MICU2: variants seen among roughly 807,000 people sequenced by gnomAD.
The protein encoded by MICU2 is calcium uptake protein 2, mitochondrial.
Under a neutral mutation model 60.4 loss-of-function variants are expected in MICU2, and 64 were observed. The ratio of observed to expected loss-of-function variants is 1.06; its 90% CI spans 0.87 to 1.31. MICU2 has a LOEUF of 1.31. MICU2 is among the 50% of genes most tolerant of loss of function. The pLI, the probability that MICU2 is intolerant of heterozygous loss-of-function variation, is 0.00. For synonymous variants in MICU2, 201 were observed against 175.0 expected, an observed-to-expected ratio of 1.15 and a Z score of -1.17; for missense variants, 569 against 531.0, an observed-to-expected ratio of 1.07 and a Z score of -0.70.
At chr13:21,542,621 T>C (rs1411741458) in intron 2 of MICU2, among the ~76,000 whole-genome samples, 1 of 152,206 alleles carries the variant, frequency 6.6e-6, no homozygotes, top group East Asian at 1.9e-4. Context: ...TTTCATTGTA[T>C]GAATATGAAA....
At chr13:21,497,110 C>T (rs1017427544) in intron 9 of MICU2, among the ~76,000 whole-genome samples, 15 of 149,846 alleles carry the variant, frequency 1.0e-4, no homozygotes, top group Admixed American at 7.3e-4. Flanking sequence ...TGCTGTGGCT[C>T]ATGTCTAATC....
At chr13:21,585,633 T>C (rs186573837) in intron 1 of MICU2, among the ~76,000 whole-genome samples, 45 of 152,350 alleles carry the variant, frequency 3.0e-4, no homozygotes, top group African/African-American at 9.9e-4. Flanking sequence ...AGGGCTCTTA[T>C]AGCAAATTCA....
intron 1 of MICU2, among the ~76,000 whole-genome samples, chr13:21,600,056 A>C (rs1888780954): frequency 6.6e-6 from 1 of 152,208 alleles, no homozygotes; most frequent in African/African-American, 2.4e-5. Context: ...CAATGAAAAC[A>C]AAAATGTAAT....
At chr13:21,498,369 C>CTTTTTTTTTTTT (rs34890922) in intron 9 of MICU2, among the ~76,000 whole-genome samples, 1 of 78,544 alleles carries the variant, frequency 1.3e-5, no homozygotes, top group Non-Finnish European at 2.2e-5. Context: ...ATATCCTATT[C>CTTTTTTTTTTTT]TTTTTTTTTT....
chr13:21,593,316 G>T (rs1173598313), intron 1 of MICU2, among the ~76,000 whole-genome samples: 2 of 151,818 alleles, frequency 1.3e-5, no homozygotes, highest in African/African-American at 4.8e-5. Flanking sequence ...GGGATGTGAA[G>T]GACCTCTTCA....
At chr13:21,528,899 G>A (rs552009228) in intron 4 of MICU2, among the ~76,000 whole-genome samples, 1 of 152,166 alleles carries the variant, frequency 6.6e-6, no homozygotes, top group Admixed American at 6.5e-5. Flanking sequence ...GGAGAAGGTG[G>A]TGAGTCAGAG....
chr13:21,603,447 C>CATCAT, intron 1 of MICU2: 1 of 156,564 alleles, frequency 6.4e-6, no homozygotes, highest in Admixed American at 6.5e-5. Flanking sequence ...AAAAAGCAAT[C>CATCAT]GACAGAACTT....
chr13:21,602,260 C>T (rs538757320), intron 1 of MICU2, among the ~76,000 whole-genome samples: 3 of 152,116 alleles, frequency 2.0e-5, no homozygotes, highest in Admixed American at 6.5e-5. Context: ...CAGTGGCTCA[C>T]GCCTGTAATT....
intron 6 of MICU2, among the ~76,000 whole-genome samples, chr13:21,517,167 ATAAAACAT>A (rs1886590611): frequency 2.0e-5 from 3 of 152,256 alleles, no homozygotes; most frequent in Admixed American, 2.0e-4. Context: ...CTGAATGTTA[ATAAAACAT>A]GAATATTTAC....
intron 6 of MICU2, among the ~76,000 whole-genome samples, chr13:21,515,182 C>T (rs544669905): frequency 2.1e-4 from 31 of 151,112 alleles, no homozygotes; most frequent in Middle Eastern, 3.4e-3. Flanking sequence ...CCCGGGTTCA[C>T]GCCATTCTCC....
At chr13:21,569,089 GCTTT>G (rs1289240321) in intron 1 of MICU2, among the ~76,000 whole-genome samples, 1 of 152,076 alleles carries the variant, frequency 6.6e-6, no homozygotes, top group Non-Finnish European at 1.5e-5. Context: ...ACTAAGGCTC[GCTTT>G]CTTTCAGAGG....
chr13:21,538,798 C>A (rs571262213), intron 4 of MICU2, among the ~76,000 whole-genome samples: 1 of 151,986 alleles, frequency 6.6e-6, no homozygotes, highest in Admixed American at 6.6e-5. Context: ...GGAATCAATA[C>A]CCCATAGATA....
At chr13:21,525,146 A>G (rs1342738327) in intron 4 of MICU2, among the ~76,000 whole-genome samples, 2 of 150,304 alleles carry the variant, frequency 1.3e-5, no homozygotes, top group African/African-American at 4.9e-5. Flanking sequence ...CCAGAAGCAG[A>G]ACTGCTGCAT....
At position 21,510,063 on chromosome 13, in the gene MICU2, A is replaced by G. The variant is rs1304976866; in HGVS notation, c.702T>C (p.Leu234=). Residue 234 remains leucine (L), a synonymous_variant, in exon 8 of 12, where the codon CTT becomes CTC. Coordinates refer to ENST00000382374, the MANE Select transcript of MICU2 (RefSeq NM_152726.3). Reference sequence around the variant, plus strand: ...CTCTTTTTCCAAAGAAACGCATCTGAAGAGTTGTGTTAATTTCAGGTTCTT... The same window carrying G: ...CTCTTTTTCCAAAGAAACGCATCTGGAGAGTTGTGTTAATTTCAGGTTCTT... ...IVKEPEINTT[L]QMRFFGKRGQ... is the part of the protein sequence containing the mutation. 3 of 1,530,864 alleles carry G rather than the reference A, an allele frequency of 2.0e-6. No homozygotes were observed. Among genetic ancestry groups the G allele is most frequent in the Admixed American group, 2.1e-5 (1 of 46,950 alleles). The allele number at this position is 1,530,864 out of a possible 1,614,324, so 94.8% of individuals were successfully genotyped here.
intron 8 of MICU2, among the ~76,000 whole-genome samples, chr13:21,503,865 T>C (rs1023931464): frequency 6.6e-6 from 1 of 152,238 alleles, no homozygotes. Flanking sequence ...CTTTTCCACA[T>C]GTGAAAAGAT....
At chr13:21,511,967 GT>G (rs1359120089) in intron 7 of MICU2, among the ~76,000 whole-genome samples, 3 of 152,128 alleles carry the variant, frequency 2.0e-5, no homozygotes, top group Non-Finnish European at 4.4e-5. Flanking sequence ...ATTGTTTCCC[GT>G]TTGGGCTGGA....
chr13:21,526,296 T>G (rs1440537492), intron 4 of MICU2, among the ~76,000 whole-genome samples: 2 of 151,884 alleles, frequency 1.3e-5, no homozygotes, highest in African/African-American at 4.8e-5. Context: ...GTTTTCTCCC[T>G]TGTCTTTTTT....
At chr13:21,526,513 T>C (rs1404961881) in intron 4 of MICU2, among the ~76,000 whole-genome samples, 1 of 152,082 alleles carries the variant, frequency 6.6e-6, no homozygotes, top group East Asian at 1.9e-4. Context: ...CAGATGGCAT[T>C]GTATACTTCC....
intron 1 of MICU2, among the ~76,000 whole-genome samples, chr13:21,593,335 T>C (rs546422600): frequency 1.3e-5 from 2 of 151,926 alleles, no homozygotes; most frequent in Non-Finnish European, 2.9e-5. Flanking sequence ...CAAGAAGAAC[T>C]ACAAACCACT....
Sources: gnomAD v4.1 joint callset for allele counts (sites outside exome capture counted in the v4.1 genomes callset) on GRCh38, gnomAD v4.1.1 for gene constraint, MANE v1.5 for transcripts, NCBI Gene and HGNC (gene_info 2026-07-23, HGNC 2026-07-21) for gene names.